TBC1D8: variants seen among roughly 807,000 people sequenced by gnomAD.
TBC1D8 encodes TBC1 domain family member 8.
TBC1D8 carries 65 observed loss-of-function variants against 118.8 expected under a neutral mutation model. That is an observed-to-expected ratio of 0.55 (90% CI 0.45 to 0.67). TBC1D8 has a LOEUF of 0.67. Among genes scored for constraint, TBC1D8 ranks in the 30% least tolerant of loss-of-function variants. The pLI is 0.00. For missense variants in TBC1D8, 1,376 were observed against 1,471.2 expected (o/e 0.94, Z 1.06); for synonymous variants, 566 against 595.8 (o/e 0.95, Z 0.73).
chr2:101,114,145 T>C (rs1188044902), intron 1 of TBC1D8, among the ~76,000 whole-genome samples: 2 of 152,160 alleles, frequency 1.3e-5, no homozygotes, highest in African/African-American at 2.4e-5. Context: ...AGCACAAAAG[T>C]GTTTGGCACG....
At chr2:101,090,161 A>AT in intron 2 of TBC1D8, 48 bp downstream of exon 2, 1 of 1,569,018 alleles carries the variant, frequency 6.4e-7, no homozygotes. Flanking sequence ...GATACTCAGC[A>AT]TGCTTACACC....
intron 1 of TBC1D8, among the ~76,000 whole-genome samples, chr2:101,117,973 G>A (rs770153715): frequency 6.6e-6 from 1 of 150,966 alleles, no homozygotes; most frequent in Non-Finnish European, 1.5e-5. Flanking sequence ...CAGGGACACT[G>A]GAAAGTCATC....
intron 9 of TBC1D8, among the ~76,000 whole-genome samples, chr2:101,034,920 G>A (rs116768999): frequency 1.9e-3 from 291 of 152,312 alleles, no homozygotes; most frequent in African/African-American, 6.8e-3. Flanking sequence ...GCGCAGTGGT[G>A]CAGGCAGCAT....
At chr2:101,147,145 T>C (rs1223494743) in intron 1 of TBC1D8, among the ~76,000 whole-genome samples, 4 of 152,250 alleles carry the variant, frequency 2.6e-5, no homozygotes, top group Admixed American at 2.0e-4. Flanking sequence ...TCGCAAATGA[T>C]AGGATTTCAT....
At chr2:101,010,865 G>C (rs772829922) in intron 19 of TBC1D8, 64 bp downstream of exon 19, 20 of 1,384,482 alleles carry the variant, frequency 1.4e-5, no homozygotes, top group South Asian at 2.4e-5. Flanking sequence ...CTGGGCGACA[G>C]AGCGAGACTC....
At chr2:101,126,607 C>T (rs758135469) in intron 1 of TBC1D8, among the ~76,000 whole-genome samples, 5 of 152,088 alleles carry the variant, frequency 3.3e-5, no homozygotes, top group Non-Finnish European at 7.4e-5. Context: ...GATAGATATA[C>T]AGAGAGAGGT....
intron 1 of TBC1D8, among the ~76,000 whole-genome samples, chr2:101,101,677 G>T (rs1676843952): frequency 6.6e-6 from 1 of 152,148 alleles, no homozygotes; most frequent in African/African-American, 2.4e-5. Flanking sequence ...ACTGCATAAA[G>T]AAAATGTGGT....
intron 6 of TBC1D8, 43 bp from the exon 7 acceptor site, chr2:101,038,698 G>T (rs759337450): frequency 7.5e-6 from 12 of 1,603,424 alleles, no homozygotes; most frequent in Non-Finnish European, 1.0e-5. Flanking sequence ...GCGGGAGGAA[G>T]GTAGGCATGT....
Position 101,011,836 on chromosome 2 carries a change from G to A in TBC1D8, c.2828-296C>T, listed in dbSNP as rs142750173. On this transcript the variant is annotated intron_variant, in intron 17 of 19. Transcript: ENST00000409318. ...TAATACTGATTTGGAAAAAATGTATGTAGTGAAATCCCATTTTGTAAAACT... is the reference window on the plus strand; with the variant it reads ...TAATACTGATTTGGAAAAAATGTATATAGTGAAATCCCATTTTGTAAAACT... 1.3e-4 allele frequency among the ~76,000 whole-genome samples: 20 copies of A among 152,320 alleles called. No homozygotes were observed. The East Asian group carries it at 1.5e-3, about 12-fold the overall frequency.
intron 19 of TBC1D8, among the ~76,000 whole-genome samples, chr2:101,008,735 C>T (rs894382794): frequency 6.6e-6 from 1 of 151,630 alleles, no homozygotes; most frequent in African/African-American, 2.4e-5. Flanking sequence ...TCGCTTAAAC[C>T]CAGGAGGCAA....
chr2:101,060,182 T>C (rs1682680211), intron 2 of TBC1D8, among the ~76,000 whole-genome samples: 1 of 152,152 alleles, frequency 6.6e-6, no homozygotes, highest in African/African-American at 2.4e-5. Flanking sequence ...CAGAAACATT[T>C]CTAATGATTC....
intron 2 of TBC1D8, among the ~76,000 whole-genome samples, chr2:101,076,553 A>T (rs1189616386): frequency 2.0e-5 from 3 of 152,256 alleles, no homozygotes; most frequent in Admixed American, 2.0e-4. Flanking sequence ...AAAAGTGCAC[A>T]AAGTTAAATG....
At chr2:101,031,892 A>C in intron 11 of TBC1D8, among the ~76,000 whole-genome samples, 1 of 147,298 alleles carries the variant, frequency 6.8e-6, no homozygotes, top group Admixed American at 6.8e-5. Context: ...CCAGGCCCCC[A>C]CCCTCCCTTT....
intron 17 of TBC1D8, among the ~76,000 whole-genome samples, chr2:101,016,205 G>A (rs1468812143): frequency 1.3e-5 from 2 of 152,092 alleles, no homozygotes; most frequent in African/African-American, 2.4e-5. Flanking sequence ...AGAATCTACA[G>A]TGAACTCAAA....
At chr2:101,148,405 T>A (rs1679406749) in intron 1 of TBC1D8, among the ~76,000 whole-genome samples, 1 of 152,204 alleles carries the variant, frequency 6.6e-6, no homozygotes, top group South Asian at 2.1e-4. Flanking sequence ...GGTAAATACC[T>A]GCCCTCATAG....
In TBC1D8 at chr2:101,029,598, A is replaced by G. The variant is rs768629849; in HGVS notation, c.2115T>C (p.Tyr705=). 1.9e-6 allele frequency: 3 copies of G among 1,614,020 alleles called. No individual in the cohort carries two copies. The highest frequency in any genetic ancestry group is 2.2e-5 in the East Asian group (1 of 44,874). ...SAVNVVDCFF[Y]DGIKAIFQLG... is the part of the protein sequence containing the mutation. Reference sequence around the variant, plus strand: ...GCTGGAAGATGGCTTTGATGCCATCATAGAAGAAGCAGTCTACCACATTCA... The same window carrying G: ...GCTGGAAGATGGCTTTGATGCCATCGTAGAAGAAGCAGTCTACCACATTCA... The change falls in exon 12 of 20, where the codon TAT becomes TAC. Residue 705 remains tyrosine (Y), a synonymous_variant. Transcript: ENST00000409318.
chr2:101,129,185 G>C (rs1180372722), intron 1 of TBC1D8, among the ~76,000 whole-genome samples: 1 of 152,074 alleles, frequency 6.6e-6, no homozygotes, highest in Non-Finnish European at 1.5e-5. Flanking sequence ...TGTCGCCCAG[G>C]TTGGAGTACA....
At chr2:101,016,035 A>T (rs1462818137) in intron 17 of TBC1D8, among the ~76,000 whole-genome samples, 1 of 151,812 alleles carries the variant, frequency 6.6e-6, no homozygotes, top group Non-Finnish European at 1.5e-5. Context: ...TGTCTAAAAC[A>T]CCAAAAGCAA....
Position 101,021,701 on chromosome 2 carries a change from T to TA in TBC1D8, c.2806dup (p.Tyr936LeufsTer11). 2 of 1,600,992 alleles carry TA rather than the reference T, an allele frequency of 1.2e-6. No homozygotes were observed. Among genetic ancestry groups the TA allele is most frequent in the Non-Finnish European group, 8.5e-7 (1 of 1,171,390 alleles). ...CTTACCTGGAGGGATATGAAGCCTG[T>TA]ATAATAGTTTAATCTTCTCATTCAT... On this transcript the variant is annotated frameshift_variant, in exon 17 of 20. Coordinates refer to ENST00000409318, the MANE Select transcript of TBC1D8 (RefSeq NM_001330348.2). LOFTEE classifies it high-confidence loss of function.
Sources: allele counts gnomAD v4.1 joint callset (sites outside exome capture counted in the v4.1 genomes callset), GRCh38; gene constraint gnomAD v4.1.1; transcripts MANE v1.5; gene names NCBI Gene and HGNC (gene_info 2026-07-23, HGNC 2026-07-21).